KIR2DL3: variants seen among roughly 807,000 people sequenced by gnomAD.
KIR2DL3 encodes killer cell immunoglobulin like receptor, two Ig domains and long cytoplasmic tail 3.
KIR2DL3 carries 39 observed loss-of-function variants against 33.8 expected under a neutral mutation model. The ratio of observed to expected loss-of-function variants is 1.15; its 90% confidence interval spans 0.89 to 1.51. The LOEUF (loss-of-function observed/expected upper bound fraction) is 1.51, where lower values mean the gene tolerates loss of function less well. Among genes scored for constraint, KIR2DL3 ranks in the 40% most tolerant of loss-of-function variants. The pLI, the probability that KIR2DL3 is intolerant of heterozygous loss-of-function variation, is 0.00. For missense variants in KIR2DL3, 462 were observed against 426.2 expected (o/e 1.08, Z -0.74); for synonymous variants, 174 against 160.2 (o/e 1.09, Z -0.65).
At chr19:54,741,356 A>T (rs2071062639) in intron 2 of KIR2DL3, among the ~76,000 whole-genome samples, 1 of 151,454 alleles carries the variant, frequency 6.6e-6, no homozygotes, top group South Asian at 2.1e-4. Flanking sequence ...TAATTAATTA[A>T]TTAAAGAAAC....
intron 4 of KIR2DL3, among the ~76,000 whole-genome samples, chr19:54,745,915 C>A (rs370932882): frequency 7.1e-6 from 1 of 140,344 alleles, no homozygotes; most frequent in Non-Finnish European, 1.6e-5. Context: ...CAGGTTCAAG[C>A]GATTCTCCTG....
At chr19:54,743,661 A>C (rs2071622962) in intron 3 of KIR2DL3, 134 bp from the exon 4 acceptor site, 2 of 985,938 alleles carry the variant, frequency 2.0e-6, no homozygotes, top group South Asian at 1.8e-5. Context: ...ACATGAAGAG[A>C]GATGGGGTGG....
chr19:54,741,773 A>G (rs2071165151), intron 2 of KIR2DL3, among the ~76,000 whole-genome samples: 1 of 151,698 alleles, frequency 6.6e-6, no homozygotes, highest in Admixed American at 6.6e-5. Flanking sequence ...AGGGAATCAG[A>G]GGCTACTAGA....
chr19:54,748,546 C>T (rs1448331431), intron 5 of KIR2DL3, among the ~76,000 whole-genome samples: 2 of 147,938 alleles, frequency 1.4e-5, no homozygotes, highest in African/African-American at 5.0e-5. Flanking sequence ...AATGGGAGGG[C>T]AGAAAATGAA....
At chr19:54,746,582 T>C (rs796824241) in intron 4 of KIR2DL3, among the ~76,000 whole-genome samples, 3,281 of 125,484 alleles carry the variant, frequency 0.026, 1 homozygote, top group Middle Eastern at 0.062. Flanking sequence ...TAGTGACAGG[T>C]AGAGGTGCAG....
intron 4 of KIR2DL3, among the ~76,000 whole-genome samples, chr19:54,744,397 C>G (rs2071859612): frequency 6.6e-6 from 1 of 152,158 alleles, no homozygotes; most frequent in Non-Finnish European, 1.5e-5. Flanking sequence ...CAACATTACC[C>G]ATTTCCCAGA....
chr19:54,752,267 A>G lies in KIR2DL3; in HGVS notation c.872A>G (p.Glu291Gly). Residue 291 changes from glutamate to glycine, a missense_variant and splice_region_variant, in exon 7 of 8, where the codon GAG becomes GGG. Transcript: ENST00000342376. ...GCAGGGAACAGAACAGTGAACAGGGAGGTAGGTGCTCCTCGGCCCAGCCTC... is the reference window on the plus strand; with the variant it reads ...GCAGGGAACAGAACAGTGAACAGGGGGGTAGGTGCTCCTCGGCCCAGCCTC... ...EPAGNRTVNR[E>G]DSDEQDPQEV... The G allele has an allele frequency of 6.7e-7, 1 of 1,484,828 alleles. No individual in the cohort carries two copies. The highest frequency in any genetic ancestry group is 9.2e-7 in the Non-Finnish European group (1 of 1,087,284). 92.0% of individuals were successfully genotyped at this position (1,484,828 alleles called of 1,614,324 possible).
intron 4 of KIR2DL3, 79 bp downstream of exon 4, chr19:54,744,167 A>G (rs1326194634): frequency 5.7e-6 from 9 of 1,581,698 alleles, no homozygotes; most frequent in African/African-American, 5.5e-5. Flanking sequence ...TGATGGAGAG[A>G]AGCATGGACA....
intron 2 of KIR2DL3, among the ~76,000 whole-genome samples, chr19:54,741,442 T>C (rs1384477651): frequency 1.6e-4 from 24 of 151,916 alleles, no homozygotes; most frequent in Non-Finnish European, 3.2e-4. Context: ...TCCATCCACA[T>C]AGGGAGGGGT....
intron 2 of KIR2DL3, among the ~76,000 whole-genome samples, chr19:54,740,014 G>A (rs1358205503): frequency 6.6e-6 from 1 of 151,856 alleles, no homozygotes; most frequent in African/African-American, 2.4e-5. Flanking sequence ...ACCCTGTGTT[G>A]TTTTATGTGA....
intron 4 of KIR2DL3, among the ~76,000 whole-genome samples, chr19:54,746,943 C>T (rs2072598131): frequency 2.8e-5 from 4 of 144,728 alleles, no homozygotes; most frequent in African/African-American, 5.1e-5. Flanking sequence ...GATTGCACCT[C>T]TGCACTCCAG....
At chr19:54,744,300 A>C (rs10414839) in intron 4 of KIR2DL3, among the ~76,000 whole-genome samples, 9,191 of 151,586 alleles carry the variant, frequency 0.061, 363 homozygotes, top group African/African-American at 0.12. Flanking sequence ...CTCCAGGCAC[A>C]CAGGCAGATG....
intron 2 of KIR2DL3, among the ~76,000 whole-genome samples, chr19:54,739,995 C>T (rs371008389): frequency 0.06 from 9,109 of 152,098 alleles, 360 homozygotes; most frequent in African/African-American, 0.12. Context: ...TGCCCTCCAC[C>T]TCATGTCTAC....
chr19:54,743,943 A>G lies in KIR2DL3; in HGVS notation c.519A>G (p.Ala173=), dbSNP rs2071710093. 1.2e-6 allele frequency: 2 copies of G among 1,614,078 alleles called. No homozygotes were observed. The highest frequency in any genetic ancestry group is 1.7e-6 in the Non-Finnish European group (2 of 1,180,048). Residue 173 remains alanine, a synonymous_variant, in exon 4 of 8, where the codon GCA becomes GCG. Coordinates refer to ENST00000342376, the MANE Select transcript of KIR2DL3 (RefSeq NM_015868.3). Reference sequence around the variant, plus strand: ...AGGCCCATGAACGTAGGTTCTCTGCAGGGCCCAAGGTCAACGGAACATTCC... The same window carrying G: ...AGGCCCATGAACGTAGGTTCTCTGCGGGGCCCAAGGTCAACGGAACATTCC... ...EGEAHERRFS[A]GPKVNGTFQA...
chr19:54,739,770 T>G (rs642345), intron 2 of KIR2DL3, among the ~76,000 whole-genome samples: 15,513 of 109,916 alleles, frequency 0.14, 15 homozygotes, highest in South Asian at 0.21. Flanking sequence ...GGTGTGTGGT[T>G]GGGAAGTGGT....
chr19:54,751,061 T>C lies in KIR2DL3; in HGVS notation c.716-588T>C, dbSNP rs1454023086. Among the ~76,000 whole-genome samples, 2 of 132,790 alleles carry C rather than the reference T, an allele frequency of 1.5e-5. 1 individual carries two copies. The highest frequency in any genetic ancestry group is 3.3e-5 in the Non-Finnish European group (2 of 60,730). The allele number at this position is 132,790 out of a possible 152,430, so 87.1% of individuals were successfully genotyped here. A position where few individuals can be genotyped will look rare whatever the true frequency, so the allele number is the denominator to read the frequency against. ...AAGGAACACTTGAGCCTGGGTAACT[T>C]CTAGAGAAAAGAGATTGGTTTGCCT... On this transcript the variant is annotated intron_variant, in intron 5 of 7. Coordinates refer to ENST00000342376, the MANE Select transcript of KIR2DL3 (RefSeq NM_015868.3).
intron 4 of KIR2DL3, among the ~76,000 whole-genome samples, 188 bp from the exon 5 acceptor site, chr19:54,747,147 T>C (rs2072639602): frequency 6.8e-6 from 1 of 146,728 alleles, no homozygotes; most frequent in African/African-American, 2.5e-5. Context: ...GCTCCTGTTT[T>C]CTCTTTATAC....
At chr19:54,748,747 G>A (rs1421362689) in intron 5 of KIR2DL3, among the ~76,000 whole-genome samples, 5 of 143,376 alleles carry the variant, frequency 3.5e-5, no homozygotes, top group Admixed American at 2.1e-4. Context: ...TCCGCCTCTC[G>A]AGTAGCTGGG....
intron 4 of KIR2DL3, among the ~76,000 whole-genome samples, chr19:54,744,938 ATATATATATATATATATTTT>A (rs1721976235): frequency 4.5e-5 from 1 of 22,148 alleles, no homozygotes; most frequent in Non-Finnish European, 9.0e-5. Flanking sequence ...ATATATATAT[ATATATATATATATATATTTT>A]TTTTTTTTTT....
Sources: allele counts gnomAD v4.1 joint callset (sites outside exome capture counted in the v4.1 genomes callset), GRCh38; gene constraint gnomAD v4.1.1; transcripts MANE v1.5; gene names NCBI Gene and HGNC (gene_info 2026-07-23, HGNC 2026-07-21).